The following PTCHD4 variants were observed in gnomAD, a reference collection of about 807,000 sequenced individuals.
PTCHD4 encodes the protein patched domain containing 4, also known as patched domain-containing protein 4.
A neutral mutation model predicts 58.1 loss-of-function variants in PTCHD4; 33 were observed. The observed-to-expected ratio is 0.57, with a 90% CI of 0.43 to 0.76. PTCHD4 has a LOEUF of 0.76. Ranked by LOEUF, PTCHD4 falls within the 30% of genes least tolerant of loss-of-function variation. The pLI is 0.00. For synonymous variants in PTCHD4, 478 were observed against 409.6 expected (o/e 1.17, Z -2.02); for missense variants, 1,058 against 1,027.1 (o/e 1.03, Z -0.41).
intron 4 of PTCHD4, among the ~76,000 whole-genome samples, chr6:47,954,754 CCTTG>C (rs1766789429): frequency 6.6e-6 from 1 of 152,142 alleles, no homozygotes; most frequent in African/African-American, 2.4e-5. Flanking sequence ...TTTTCCAGAA[CCTTG>C]CTACTCCCCT....
chr6:48,058,669 A>C (rs1383243763), intron 3 of PTCHD4, among the ~76,000 whole-genome samples: 1 of 152,222 alleles, frequency 6.6e-6, no homozygotes, highest in Non-Finnish European at 1.5e-5. Flanking sequence ...ACCAAGAGGG[A>C]AGAAAGTGGT....
At chr6:47,937,348 G>A (rs528604159) in intron 4 of PTCHD4, among the ~76,000 whole-genome samples, 3 of 152,300 alleles carry the variant, frequency 2.0e-5, no homozygotes, top group South Asian at 2.1e-4. Context: ...ATGGTAAGAA[G>A]GGGTGAGGGT....
intron 3 of PTCHD4, among the ~76,000 whole-genome samples, chr6:48,026,308 C>T (rs1179324456): frequency 6.6e-6 from 1 of 152,130 alleles, no homozygotes; most frequent in Admixed American, 6.6e-5. Context: ...ATGGGAACTT[C>T]TTAGTCAACT....
chr6:47,956,546 G>T (rs993755368), intron 4 of PTCHD4, among the ~76,000 whole-genome samples: 2 of 151,898 alleles, frequency 1.3e-5, no homozygotes, highest in Non-Finnish European at 2.9e-5. Context: ...CCATTCTCCT[G>T]CCTCAGCCTC....
Position 48,047,632 on chromosome 6 carries a change from T to C in PTCHD4, c.417+20598A>G, listed in dbSNP as rs74356281. On this transcript the variant is annotated intron_variant, in intron 3 of 4. Transcript: ENST00000339488. ...GAGATCCTAATCCCCAATGTGATGC[T>C]ATTTGAAGGTGGGGCCTTTGGGAAG... 1.9e-4 allele frequency among the ~76,000 whole-genome samples: 29 copies of C among 151,922 alleles called. No individual in the cohort carries two copies. In the East Asian group the frequency reaches 5.4e-3, roughly 28 times the overall value.
intron 3 of PTCHD4, among the ~76,000 whole-genome samples, chr6:48,058,049 T>C (rs193288925): frequency 6.6e-6 from 1 of 152,242 alleles, no homozygotes; most frequent in Non-Finnish European, 1.5e-5. Context: ...GCATTGGTAA[T>C]CTGTTATAGT....
rs531582832 is a variant in PTCHD4 at position 48,048,005 on chromosome 6, A to G, written c.417+20225T>C. ...GGATATTGTGTCCTTAAGATATAAA[A>G]TAAGCATTCTAGTAAAAAAAAAAAA... On this transcript the variant is annotated intron_variant, in intron 3 of 4. Transcript: ENST00000339488. Among the ~76,000 whole-genome samples, 34 of 140,106 alleles carry G rather than the reference A, an allele frequency of 2.4e-4. No homozygotes were observed. In the South Asian group the frequency reaches 7.5e-3, roughly 31 times the overall value. 91.9% of individuals were successfully genotyped at this position (140,106 alleles called of 152,430 possible).
chr6:47,862,888 A>G lies in PTCHD4; in HGVS notation c.*15415T>C, dbSNP rs1032662273. Among the ~76,000 whole-genome samples, 4 of 151,924 alleles carry G rather than the reference A, an allele frequency of 2.6e-5. No individual in the cohort carries two copies. The highest frequency in any genetic ancestry group is 5.9e-5 in the Non-Finnish European group (4 of 67,886). On this transcript the variant is annotated 3_prime_UTR_variant, in exon 5 of 5. Coordinates refer to ENST00000339488, the MANE Select transcript of PTCHD4 (RefSeq NM_001384253.1). ...GAACACTAGTTCTTTAAGATGCTCCATGAACATAATGACCCATGGTCAATT... is the reference window on the plus strand; with the variant it reads ...GAACACTAGTTCTTTAAGATGCTCCGTGAACATAATGACCCATGGTCAATT...
Position 47,957,840 on chromosome 6 carries a change from G to A in PTCHD4, c.898+50794C>T, listed in dbSNP as rs111760352. On this transcript the variant is annotated intron_variant, in intron 4 of 4. Coordinates refer to ENST00000339488, the MANE Select transcript of PTCHD4 (RefSeq NM_001384253.1). ...AGGATGGTTTCGATCACCTTACCTCGTGATCTGCCCACCTCGGCCTCCCAA... is the reference window on the plus strand; with the variant it reads ...AGGATGGTTTCGATCACCTTACCTCATGATCTGCCCACCTCGGCCTCCCAA... Among the ~76,000 whole-genome samples the A allele has an allele frequency of 7.4e-3, 1,122 of 151,896 alleles. 12 individuals are homozygous for A. The highest frequency in any genetic ancestry group is 0.026 in the African/African-American group (1,061 of 41,392).
intron 1 of PTCHD4, among the ~76,000 whole-genome samples, chr6:48,101,456 T>G (rs988923020): frequency 1.3e-5 from 2 of 152,190 alleles, no homozygotes; most frequent in African/African-American, 4.8e-5. Context: ...TGTTAACACT[T>G]CCTCTCAGAA....
intron 3 of PTCHD4, among the ~76,000 whole-genome samples, chr6:48,014,933 G>A (rs1170974385): frequency 1.3e-5 from 2 of 152,058 alleles, no homozygotes; most frequent in Non-Finnish European, 2.9e-5. Flanking sequence ...CCCATGAAAT[G>A]TTCTTTATGA....
At position 48,069,268 on chromosome 6, in the gene PTCHD4, C is replaced by T. The variant is rs1425541815; in HGVS notation, c.-311G>A. ...TTTTTAGAGTTTTGTGTTCCCTCTTCCCTCCCCGCTGGAGTGAATTGAAGA... is the reference window on the plus strand; with the variant it reads ...TTTTTAGAGTTTTGTGTTCCCTCTTTCCTCCCCGCTGGAGTGAATTGAAGA... On this transcript the variant is annotated 5_prime_UTR_variant, in exon 2 of 5. Coordinates refer to ENST00000339488, the MANE Select transcript of PTCHD4 (RefSeq NM_001384253.1). Among the ~76,000 whole-genome samples, 1 of 151,818 alleles carries T rather than the reference C, an allele frequency of 6.6e-6. No homozygotes were observed. Among genetic ancestry groups the T allele is most frequent in the Non-Finnish European group, 1.5e-5 (1 of 67,980 alleles).
intron 4 of PTCHD4, among the ~76,000 whole-genome samples, chr6:48,008,120 T>G (rs1446156950): frequency 1.3e-5 from 2 of 152,338 alleles, no homozygotes; most frequent in East Asian, 3.9e-4. Flanking sequence ...GGTTTTAGTT[T>G]ATACAGAGGT....
intron 3 of PTCHD4, among the ~76,000 whole-genome samples, chr6:48,039,496 C>T (rs1362107887): frequency 6.6e-6 from 1 of 152,050 alleles, no homozygotes; most frequent in Non-Finnish European, 1.5e-5. Flanking sequence ...AGATACTGAG[C>T]TACTGGCAGT....
At chr6:48,001,548 A>G (rs542182074) in intron 4 of PTCHD4, among the ~76,000 whole-genome samples, 2 of 152,138 alleles carry the variant, frequency 1.3e-5, no homozygotes, top group Non-Finnish European at 2.9e-5. Context: ...GGAAAACTGG[A>G]TAGCCATATG....
intron 4 of PTCHD4, among the ~76,000 whole-genome samples, chr6:47,937,558 T>G (rs767929503): frequency 3.9e-5 from 6 of 152,176 alleles, no homozygotes; most frequent in African/African-American, 7.2e-5. Flanking sequence ...AGGTTTGAGA[T>G]GTCCATTAGG....
intron 1 of PTCHD4, among the ~76,000 whole-genome samples, chr6:48,076,638 C>T (rs1490465351): frequency 1.3e-5 from 2 of 152,128 alleles, no homozygotes; most frequent in African/African-American, 2.4e-5. Context: ...GGTGGGTAAC[C>T]AGGTGCATTT....
At chr6:47,955,462 C>T (rs1024437945) in intron 4 of PTCHD4, among the ~76,000 whole-genome samples, 1 of 152,020 alleles carries the variant, frequency 6.6e-6, no homozygotes, top group African/African-American at 2.4e-5. Context: ...AGAGAAACAG[C>T]AAGGACATTC....
intron 4 of PTCHD4, among the ~76,000 whole-genome samples, chr6:47,880,542 T>C (rs913397429): frequency 8.4e-5 from 12 of 142,210 alleles, no homozygotes; most frequent in African/African-American, 1.5e-4. Context: ...AAAAAAAAAA[T>C]CTGCCACGTC....
Sources: allele counts gnomAD v4.1 joint callset (sites outside exome capture counted in the v4.1 genomes callset), GRCh38; gene constraint gnomAD v4.1.1; transcripts MANE v1.5; gene names NCBI Gene and HGNC (gene_info 2026-07-23, HGNC 2026-07-21).